The following CHSY1 variants were observed in gnomAD, a reference collection of about 807,000 sequenced individuals.
CHSY1 encodes the protein chondroitin sulfate synthase 1, also known as N-acetylgalactosaminyl-proteoglycan 3-beta-glucuronosyltransferase 1.
Under a neutral mutation model 59.8 loss-of-function variants are expected in CHSY1, and 13 were observed. That is an observed-to-expected ratio of 0.22 (90% confidence interval 0.14 to 0.35). The LOEUF (loss-of-function observed/expected upper bound fraction) is 0.35, where lower values mean the gene tolerates loss of function less well. Among genes scored for constraint, CHSY1 ranks in the 10% least tolerant of loss-of-function variants. The probability of loss-of-function intolerance (pLI) is 1.00; values close to 1 mark genes in which losing one functional copy is unlikely to be tolerated. For synonymous variants in CHSY1, 459 were observed against 401.2 expected, an observed-to-expected ratio of 1.14 and a Z score of -1.72; for missense variants, 947 against 1,030.6, an observed-to-expected ratio of 0.92 and a Z score of 1.11.
At chr15:101,207,891 A>T (rs1418873051) in intron 2 of CHSY1, among the ~76,000 whole-genome samples, 10 of 152,184 alleles carry the variant, frequency 6.6e-5, no homozygotes, top group Admixed American at 6.5e-4. Flanking sequence ...TAGGGTCCCC[A>T]GATGGGGTGA....
Position 101,251,522 on chromosome 15 carries a change from G to A in CHSY1, c.-66C>T, listed in dbSNP as rs1472214632. On this transcript the variant is annotated 5_prime_UTR_variant, in exon 1 of 3. Coordinates refer to ENST00000254190, the MANE Select transcript of CHSY1 (RefSeq NM_014918.5). ...CGCGCGCCCTCAGCCCGCTGCCCCC[G>A]CCCGCGGAGGCCAGCCCGCCCTAGC... The A allele has an allele frequency of 1.2e-5, 2 of 171,864 alleles. No homozygotes were observed. Among genetic ancestry groups the A allele is most frequent in the East Asian group, 2.6e-4 (1 of 3,910 alleles). 10.6% of individuals were successfully genotyped at this position (171,864 alleles called of 1,614,324 possible). A position where few individuals can be genotyped will look rare whatever the true frequency, so the allele number is the denominator to read the frequency against.
chr15:101,235,032 C>A lies in CHSY1; in HGVS notation c.816+50G>T, dbSNP rs2038927298. The stretch of plus-strand genomic sequence containing the variant: ...CCTATGATACGCTCAGAACTAATGA[C>A]AAAATTGACAAAATTAAGTTTTTCC... On this transcript the variant is annotated intron_variant, in intron 2 of 2. Transcript: ENST00000254190. 3 of 1,604,644 alleles carry A rather than the reference C, an allele frequency of 1.9e-6. No homozygotes were observed. The East Asian group carries it at 6.7e-5, about 36-fold the overall frequency.
At chr15:101,185,660 T>TTC in intron 2 of CHSY1, among the ~76,000 whole-genome samples, 1 of 151,236 alleles carries the variant, frequency 6.6e-6, no homozygotes, top group Non-Finnish European at 1.5e-5. Flanking sequence ...CCATTTGTAC[T>TTC]GAACTTTTGA....
chr15:101,203,782 A>G (rs2141255641), intron 2 of CHSY1, among the ~76,000 whole-genome samples: 1 of 152,310 alleles, frequency 6.6e-6, no homozygotes, highest in South Asian at 2.1e-4. Context: ...TGAAGGACAA[A>G]TAACTACAAA....
intron 2 of CHSY1, among the ~76,000 whole-genome samples, chr15:101,204,526 A>G (rs139164025): frequency 0.011 from 1,666 of 151,800 alleles, 32 homozygotes; most frequent in African/African-American, 0.038. Context: ...ATAATCAGGG[A>G]ATTTGGGTGA....
chr15:101,220,038 G>A (rs2038773260), intron 2 of CHSY1, among the ~76,000 whole-genome samples: 1 of 152,188 alleles, frequency 6.6e-6, no homozygotes, highest in Admixed American at 6.5e-5. Context: ...ATAAGCATGA[G>A]CCACTGTGCC....
chr15:101,245,708 G>T (rs1047470495), intron 1 of CHSY1, among the ~76,000 whole-genome samples: 1 of 152,152 alleles, frequency 6.6e-6, no homozygotes, highest in Admixed American at 6.5e-5. Context: ...GAAATCCCTG[G>T]AATATTGTTT....
intron 2 of CHSY1, among the ~76,000 whole-genome samples, chr15:101,201,117 G>GGGGGGAGGTGGTC (rs2038570127): frequency 6.6e-6 from 1 of 151,776 alleles, no homozygotes; most frequent in Non-Finnish European, 1.5e-5. Flanking sequence ...GGGGCGGTGC[G>GGGGGGAGGTGGTC]GGGGGAGGTG....
intron 2 of CHSY1, among the ~76,000 whole-genome samples, chr15:101,195,919 CAGTT>C (rs1396973713): frequency 2.6e-5 from 4 of 151,388 alleles, no homozygotes; most frequent in African/African-American, 9.7e-5. Context: ...GTCGACACCC[CAGTT>C]AGTTAATATA....
chr15:101,233,019 G>C (rs572389284), intron 2 of CHSY1, among the ~76,000 whole-genome samples: 4 of 152,320 alleles, frequency 2.6e-5, no homozygotes, highest in African/African-American at 9.6e-5. Context: ...GACCACACGG[G>C]GAGGAGGCCT....
intron 1 of CHSY1, among the ~76,000 whole-genome samples, chr15:101,246,282 A>G (rs546202190): frequency 9.2e-5 from 14 of 152,292 alleles, no homozygotes; most frequent in African/African-American, 3.1e-4. Flanking sequence ...GGTAAGAACC[A>G]AAACAAACAA....
At chr15:101,225,603 C>T (rs1470916661) in intron 2 of CHSY1, among the ~76,000 whole-genome samples, 2 of 151,930 alleles carry the variant, frequency 1.3e-5, no homozygotes, top group Admixed American at 6.6e-5. Context: ...ACATGTGTAC[C>T]ACCCCCCTCC....
At chr15:101,244,668 A>G (rs182722643) in intron 1 of CHSY1, among the ~76,000 whole-genome samples, 1 of 152,318 alleles carries the variant, frequency 6.6e-6, no homozygotes, top group East Asian at 1.9e-4. Context: ...ACAAACATAC[A>G]CTTTTGTTTT....
At chr15:101,231,350 T>C (rs1359979436) in intron 2 of CHSY1, among the ~76,000 whole-genome samples, 2 of 152,112 alleles carry the variant, frequency 1.3e-5, no homozygotes, top group African/African-American at 2.4e-5. Flanking sequence ...GGGAGAGAAG[T>C]AGAAACTTAA....
At chr15:101,218,306 A>C (rs775986546) in intron 2 of CHSY1, among the ~76,000 whole-genome samples, 10 of 152,212 alleles carry the variant, frequency 6.6e-5, no homozygotes, top group Non-Finnish European at 1.5e-4. Context: ...GTAAATCTAA[A>C]ACTCTCCAGC....
rs181832555 is a variant in CHSY1 at position 101,235,494 on chromosome 15, G to A, written c.404C>T (p.Pro135Leu). 8 of 1,614,094 alleles carry A rather than the reference G, an allele frequency of 5.0e-6. No individual in the cohort carries two copies. The highest frequency in any genetic ancestry group is 2.2e-5 in the South Asian group (2 of 91,080). Residue 135 changes from proline (P) to leucine (L), a missense_variant, in exon 2 of 3, where the codon CCA becomes CTA. This residue lies in a region of CHSY1 where 232 missense variants were observed against 188.5 expected (regional missense o/e 1.23). Coordinates refer to ENST00000254190, the MANE Select transcript of CHSY1 (RefSeq NM_014918.5). ...GTAGGAGTCGTCCACACCCCGTAGT[G>A]GCACTACTGGAATTGGTACAGATGT... ...SDTSVPIPVVPLRGVDDSYPP... is the reference protein window; with the variant it reads ...SDTSVPIPVVLLRGVDDSYPP...
chr15:101,243,764 C>T (rs1479653558), intron 1 of CHSY1, among the ~76,000 whole-genome samples: 1 of 152,222 alleles, frequency 6.6e-6, no homozygotes, highest in African/African-American at 2.4e-5. Context: ...AGTGCTTGGG[C>T]TGGATTTAAC....
At position 101,251,746 on chromosome 15, in the gene CHSY1, C is replaced by T. The variant is rs1188020321; in HGVS notation, c.-290G>A. 4 of 149,208 alleles carry T rather than the reference C, an allele frequency of 2.7e-5. No homozygotes were observed. The highest frequency in any genetic ancestry group is 6.7e-5 in the Admixed American group (1 of 14,990). The allele number at this position is 149,208 out of a possible 1,614,324, so 9.2% of individuals were successfully genotyped here. A position where few individuals can be genotyped will look rare whatever the true frequency, so the allele number is the denominator to read the frequency against. ...CGGGCGCGAGGTGGCGGCGGCTCCT[C>T]CCGCTCGCGCGCGGGGACGCGGGGC... On this transcript the variant is annotated 5_prime_UTR_variant, in exon 1 of 3. Transcript: ENST00000254190.
intron 2 of CHSY1, among the ~76,000 whole-genome samples, chr15:101,219,891 C>G (rs1224720984): frequency 6.6e-6 from 1 of 152,146 alleles, no homozygotes; most frequent in Non-Finnish European, 1.5e-5. Flanking sequence ...CTCAGCCTCC[C>G]AAGTAGCTGG....
Sources: gnomAD v4.1 joint callset for allele counts (sites outside exome capture counted in the v4.1 genomes callset) on GRCh38, gnomAD v4.1.1 for gene constraint, gnomAD v4.1.1 regional missense constraint, MANE v1.5 for transcripts, NCBI Gene and HGNC (gene_info 2026-07-23, HGNC 2026-07-21) for gene names.